Variants in DYSF observed in about 807,000 individuals in gnomAD.
DYSF encodes dystrophy-associated fer-1-like 1.
A neutral mutation model predicts 274.9 loss-of-function variants in DYSF; 212 were observed. The ratio of observed to expected loss-of-function variants is 0.77; its 90% CI spans 0.69 to 0.86. The LOEUF is 0.86. Ranked by LOEUF, DYSF falls within the 40% of genes least tolerant of loss-of-function variation. The probability of loss-of-function intolerance (pLI) is 0.00; values close to 1 mark genes in which losing one functional copy is unlikely to be tolerated. For synonymous variants in DYSF, 1,091 were observed against 1,078.7 expected (o/e 1.01, Z -0.22); for missense variants, 2,666 against 2,783.2 (o/e 0.96, Z 0.95).
chr2:71,639,970 C>T lies in DYSF; in HGVS notation c.4528-3995C>T, dbSNP rs577111694. 2.7e-4 allele frequency among the ~76,000 whole-genome samples: 41 copies of T among 152,362 alleles called. 2 individuals carry two copies. In the South Asian group the frequency reaches 8.1e-3, roughly 30 times the overall value. ...TTATGTGTAGGCACAGTTCTGAGCACTCTCTCTATATTGACTCATTGATTC... is the reference window on the plus strand; with the variant it reads ...TTATGTGTAGGCACAGTTCTGAGCATTCTCTCTATATTGACTCATTGATTC... On this transcript the variant is annotated intron_variant, in intron 41 of 55. Coordinates refer to ENST00000410020, the MANE Select transcript of DYSF (RefSeq NM_001130987.2).
intron 12 of DYSF, among the ~76,000 whole-genome samples, chr2:71,522,011 G>A (rs947275909): frequency 4.0e-5 from 6 of 150,168 alleles, no homozygotes; most frequent in Non-Finnish European, 7.4e-5. Flanking sequence ...CCCTTCCTCC[G>A]CCCCTCCCGC....
chr2:71,593,767 C>T (rs550450768), intron 32 of DYSF, among the ~76,000 whole-genome samples: 1 of 152,290 alleles, frequency 6.6e-6, no homozygotes, highest in Admixed American at 6.5e-5. Flanking sequence ...GAGCTGCCCG[C>T]CCAGATGGAG....
At chr2:71,518,998 C>A (rs888692781) in intron 10 of DYSF, among the ~76,000 whole-genome samples, 1 of 142,832 alleles carries the variant, frequency 7.0e-6, no homozygotes, top group African/African-American at 2.6e-5. Flanking sequence ...GAGGCCGAGG[C>A]AGGAGAATCG....
chr2:71,522,822 A>G (rs2087445522), intron 12 of DYSF, among the ~76,000 whole-genome samples: 1 of 152,158 alleles, frequency 6.6e-6, no homozygotes, highest in African/African-American at 2.4e-5. Context: ...ATGATTATCC[A>G]CTTAGTCCCC....
chr2:71,616,946 TGTTATG>T (rs2093898429), intron 40 of DYSF, among the ~76,000 whole-genome samples: 1 of 152,110 alleles, frequency 6.6e-6, no homozygotes, highest in Non-Finnish European at 1.5e-5. Context: ...CAGTTCTTGG[TGTTATG>T]ATTATGATTA....
At position 71,653,374 on chromosome 2, in the gene DYSF, G is replaced by A. The variant is rs1427196150; in HGVS notation, c.4627-2788G>A. ...ACACATGCACACGTATGTTTATTGC[G>A]GCACTATTCACAATAGCAAAGACTT... On this transcript the variant is annotated intron_variant, in intron 42 of 55. Transcript: ENST00000410020. Among the ~76,000 whole-genome samples, 7 of 151,940 alleles carry A rather than the reference G, an allele frequency of 4.6e-5. No individual in the cohort carries two copies. The South Asian group carries it at 6.3e-4, about 14-fold the overall frequency.
intron 41 of DYSF, among the ~76,000 whole-genome samples, chr2:71,629,352 C>G (rs1387881678): frequency 6.6e-6 from 1 of 152,002 alleles, no homozygotes; most frequent in African/African-American, 2.4e-5. Flanking sequence ...TTTTTAATGC[C>G]TTTTATTTAT....
intron 33 of DYSF, among the ~76,000 whole-genome samples, chr2:71,599,671 T>C (rs1346410129): frequency 6.6e-6 from 1 of 152,026 alleles, no homozygotes; most frequent in East Asian, 1.9e-4. Context: ...AGAGATCCAC[T>C]GGGCGCAAGG....
intron 17 of DYSF, among the ~76,000 whole-genome samples, chr2:71,540,061 G>T (rs2089778034): frequency 6.6e-6 from 1 of 151,150 alleles, no homozygotes; most frequent in Admixed American, 6.6e-5. Context: ...TTTCCTTTTG[G>T]ATAAATACCT....
At chr2:71,643,370 G>T (rs1440955434) in intron 41 of DYSF, among the ~76,000 whole-genome samples, 1 of 152,212 alleles carries the variant, frequency 6.6e-6, no homozygotes, top group African/African-American at 2.4e-5. Context: ...ACATTTAGCA[G>T]TGTCTTTGGA....
chr2:71,560,423 G>GGCCCAGGCCCCCC (rs1553548274), intron 22 of DYSF, among the ~76,000 whole-genome samples: 11 of 149,852 alleles, frequency 7.3e-5, no homozygotes, highest in Admixed American at 2.7e-4. Context: ...GCAGGCCCCC[G>GGCCCAGGCCCCCC]CCCCGCTACC....
chr2:71,672,100 G>T (rs938325070), intron 51 of DYSF, among the ~76,000 whole-genome samples: 1 of 150,468 alleles, frequency 6.6e-6, no homozygotes, highest in Admixed American at 6.6e-5. Context: ...GGCGGAGAAG[G>T]TCAGAAGAGG....
chr2:71,480,814 T>A, intron 1 of DYSF, 69 bp from the exon 2 acceptor site: 1 of 1,442,338 alleles, frequency 6.9e-7, no homozygotes, highest in Non-Finnish European at 9.8e-7. Flanking sequence ...TCTCAGAAGC[T>A]GAGCCTAACT....
intron 1 of DYSF, among the ~76,000 whole-genome samples, chr2:71,471,082 C>T (rs928124088): frequency 6.6e-6 from 1 of 152,138 alleles, no homozygotes. Flanking sequence ...AGGTGTCAGC[C>T]ACCCCGCCTA....
chr2:71,589,962 C>T lies in DYSF; in HGVS notation c.3497-249C>T, dbSNP rs894697297. Among the ~76,000 whole-genome samples the T allele has an allele frequency of 3.2e-4, 49 of 152,164 alleles. 1 individual carries two copies. Among genetic ancestry groups the T allele is most frequent in the Admixed American group, 2.6e-3 (39 of 15,278 alleles). ...CTGTCCCATTGTCTATTTGGCCTCC[C>T]CTCCTCCCCTCTTCCTCTATCTCTT... On this transcript the variant is annotated intron_variant, in intron 31 of 55. Coordinates refer to ENST00000410020, the MANE Select transcript of DYSF (RefSeq NM_001130987.2).
intron 41 of DYSF, among the ~76,000 whole-genome samples, chr2:71,628,210 C>T (rs1288602070): frequency 6.6e-6 from 1 of 151,988 alleles, no homozygotes; most frequent in African/African-American, 2.4e-5. Context: ...TTTAACATGG[C>T]ATATTTAACT....
Position 71,466,803 on chromosome 2 carries a change from CCCTGACTGCGCG to C in DYSF, c.-35_-24del. ...CTCGGGCCCGGTGCTCCCGCTCCCG[CCCTGACTGCGCG>C]CCTGTGTGCCGCCGGGGCTGCCCAG... On this transcript the variant is annotated 5_prime_UTR_variant, in exon 1 of 56. Transcript: ENST00000410020. The C allele has an allele frequency of 6.7e-7, 1 of 1,491,256 alleles. No homozygotes were observed. The highest frequency in any genetic ancestry group is 9.0e-7 in the Non-Finnish European group (1 of 1,106,968). 92.4% of individuals were successfully genotyped at this position (1,491,256 alleles called of 1,614,324 possible).
chr2:71,481,403 G>A (rs1335927972), intron 2 of DYSF, among the ~76,000 whole-genome samples: 3 of 152,228 alleles, frequency 2.0e-5, no homozygotes, highest in Non-Finnish European at 4.4e-5. Context: ...GCATGGATGG[G>A]GTCGGATGCA....
intron 1 of DYSF, among the ~76,000 whole-genome samples, chr2:71,457,147 C>A (rs928548342): frequency 3.9e-5 from 6 of 152,170 alleles, no homozygotes; most frequent in Non-Finnish European, 7.3e-5. Flanking sequence ...TTAACTGACA[C>A]CATGCTTATT....
Sources: allele counts gnomAD v4.1 joint callset (sites outside exome capture counted in the v4.1 genomes callset), GRCh38; gene constraint gnomAD v4.1.1; transcripts MANE v1.5; gene names NCBI Gene and HGNC (gene_info 2026-07-23, HGNC 2026-07-21).